The following TTF1 variants were observed in gnomAD, a reference collection of about 807,000 sequenced individuals.
TTF1 encodes transcription termination factor, RNA polymerase I.
A neutral mutation model predicts 80.2 loss-of-function variants in TTF1; 64 were observed. The ratio of observed to expected loss-of-function variants is 0.80; its 90% CI spans 0.65 to 0.98. The LOEUF is 0.98. TTF1 is among the 50% of genes least tolerant of loss of function. The pLI is 0.00. For missense variants in TTF1, 1,023 were observed against 1,086.2 expected (o/e 0.94, Z 0.82); for synonymous variants, 372 against 382.7 (o/e 0.97, Z 0.33).
rs1334807300 is a variant in TTF1 at position 132,375,948 on chromosome 9, A to G, written c.2685T>C (p.Ser895=). 1.9e-6 allele frequency: 3 copies of G among 1,606,352 alleles called. No homozygotes were observed. Among genetic ancestry groups the G allele is most frequent in the Non-Finnish European group, 2.6e-6 (3 of 1,176,396 alleles). Residue 895 remains serine, a synonymous_variant, in exon 11 of 11, where the codon AGT becomes AGC. Coordinates refer to ENST00000334270, the MANE Select transcript of TTF1 (RefSeq NM_007344.4). ...TCCACCGGCCTTGGCCTCCCAAAGT[A>G]CTGGAATTACAGGCGTGAGCCATGC... is the stretch of plus-strand genomic sequence containing the variant. ...APCMAHACNS[S]TLGGQGRWII
At chr9:132,386,742 C>T (rs551505460) in intron 8 of TTF1, 121 bp from the exon 9 acceptor site, 36 of 744,278 alleles carry the variant, frequency 4.8e-5, no homozygotes, top group South Asian at 1.0e-4. Context: ...CCAGCTCCCT[C>T]GTTACACATG....
rs747811545 is a variant in TTF1 at position 132,401,588 on chromosome 9, T to C, written c.1234A>G (p.Lys412Glu). 14 of 1,614,020 alleles carry C rather than the reference T, an allele frequency of 8.7e-6. No individual in the cohort carries two copies. The East Asian group carries it at 1.3e-4, about 15-fold the overall frequency. Residue 412 changes from lysine (K) to glutamate (E), a missense_variant, in exon 2 of 11, where the codon AAG (lysine) becomes GAG (glutamate). Coordinates refer to ENST00000334270, the MANE Select transcript of TTF1 (RefSeq NM_007344.4). Reference protein sequence around the residue: ...VSGDDFSVPSKNSESTLFDSV... With the variant: ...VSGDDFSVPSENSESTLFDSV... ...TCAAAGAGTGTGCTCTCAGAGTTCTTACTGGGCACTGAAAAATCATCACCA... is the reference window on the plus strand; with the variant it reads ...TCAAAGAGTGTGCTCTCAGAGTTCTCACTGGGCACTGAAAAATCATCACCA...
At chr9:132,393,141 G>A (rs1849588483) in intron 5 of TTF1, among the ~76,000 whole-genome samples, 2 of 152,220 alleles carry the variant, frequency 1.3e-5, no homozygotes, top group South Asian at 4.1e-4. Context: ...CATAATGCTT[G>A]ACAGACAAAA....
chr9:132,379,929 G>T (rs1849337939), intron 9 of TTF1, among the ~76,000 whole-genome samples: 1 of 152,226 alleles, frequency 6.6e-6, no homozygotes, highest in African/African-American at 2.4e-5. Context: ...TAATCCAGTT[G>T]TTAAAATGAT....
In TTF1 at chr9:132,389,339, C is replaced by T. The variant is rs549257029; in HGVS notation, c.2223-1111G>A. ...CTGGGATTACAGATGCCCGCCATCC[C>T]GCCGGCTAATTTTTTGTATTTTTAG... On this transcript the variant is annotated intron_variant, in intron 7 of 10. Transcript: ENST00000334270. 3.9e-3 allele frequency among the ~76,000 whole-genome samples: 591 copies of T among 151,806 alleles called. 2 individuals are homozygous for T. The highest frequency in any genetic ancestry group is 6.4e-3 in the Non-Finnish European group (432 of 67,924).
chr9:132,387,042 C>T (rs895859729), intron 8 of TTF1, among the ~76,000 whole-genome samples: 2 of 152,120 alleles, frequency 1.3e-5, no homozygotes, highest in African/African-American at 4.8e-5. Context: ...ACTGCAGCCT[C>T]GACCACCTGG....
At chr9:132,399,889 T>C in intron 3 of TTF1, 146 bp downstream of exon 3, 2 of 886,004 alleles carry the variant, frequency 2.3e-6, no homozygotes, top group South Asian at 1.8e-5. Context: ...ATTTTACAGC[T>C]TGGACAATTC....
At chr9:132,389,919 G>A (rs1046934924) in intron 7 of TTF1, among the ~76,000 whole-genome samples, 5 of 152,202 alleles carry the variant, frequency 3.3e-5, no homozygotes, top group Non-Finnish European at 7.3e-5. Flanking sequence ...AGCTGCTACT[G>A]ATCACTACAC....
Position 132,396,493 on chromosome 9 carries a change from G to T in TTF1, c.1796C>A (p.Pro599His), listed in dbSNP as rs1023843116. The T allele has an allele frequency of 1.2e-6, 2 of 1,613,946 alleles. No homozygotes were observed. Among genetic ancestry groups the T allele is most frequent in the Non-Finnish European group, 1.7e-6 (2 of 1,180,028 alleles). ...RLHIGRNIAR[P>H]WKLIYYRAKK... ...TGCTCGATAGTATATAAGTTTCCAG[G>T]GCCGGGCAATGTTCCTACCTAAAGT... is the stretch of plus-strand genomic sequence containing the variant. Residue 599 changes from proline (P) to histidine (H), a missense_variant, in exon 5 of 11, where the codon CCC becomes CAC. By Grantham distance (77) the Pro-to-His change is moderately conservative. Transcript: ENST00000334270.
chr9:132,402,631 G>T lies in TTF1; in HGVS notation c.191C>A (p.Ser64Tyr), dbSNP rs758790006. Residue 64 changes from serine to tyrosine, a missense_variant, in exon 2 of 11, where the codon TCT becomes TAT. By Grantham distance (144) the Ser-to-Tyr change is moderately radical (BLOSUM62 -2). Transcript: ENST00000334270. Reference sequence around the variant, plus strand: ...GATTCTGGATTTTTTCAAAGGAGAAGAAATGAGATGCTGGAAATCTTTTTT... The same window carrying T: ...GATTCTGGATTTTTTCAAAGGAGAATAAATGAGATGCTGGAAATCTTTTTT... ...KRKKDFQHLI[S>Y]SPLKKSRICD... 2 of 1,613,414 alleles carry T rather than the reference G, an allele frequency of 1.2e-6. No homozygotes were observed. The highest frequency in any genetic ancestry group is 1.1e-5 in the South Asian group (1 of 90,900).
Position 132,390,932 on chromosome 9 carries a change from G to A in TTF1, c.1988-101C>T, listed in dbSNP as rs946420605. On this transcript the variant is annotated intron_variant, in intron 6 of 10. Coordinates refer to ENST00000334270, the MANE Select transcript of TTF1 (RefSeq NM_007344.4). ...AATCGGGTACTTTTCAGAAAATAAT[G>A]TGCATCTCAATTATATAGACATAAA... 5 of 1,052,912 alleles carry A rather than the reference G, an allele frequency of 4.7e-6. No individual in the cohort carries two copies. In the African/African-American group the frequency reaches 6.4e-5, roughly 13 times the overall value. 65.2% of individuals were successfully genotyped at this position (1,052,912 alleles called of 1,614,324 possible). A position where few individuals can be genotyped will look rare whatever the true frequency, so the allele number is the denominator to read the frequency against.
chr9:132,381,071 G>T (rs1486908994), intron 9 of TTF1, among the ~76,000 whole-genome samples: 1 of 152,032 alleles, frequency 6.6e-6, no homozygotes, highest in African/African-American at 2.4e-5. Context: ...GTCACCACGT[G>T]CAGCTTAATA....
At position 132,378,714 on chromosome 9, in the gene TTF1, T is replaced by C. The variant is rs555777990; in HGVS notation, c.2464+345A>G. Among the ~76,000 whole-genome samples, 15 of 150,516 alleles carry C rather than the reference T, an allele frequency of 1.0e-4. 1 individual carries two copies. The highest frequency in any genetic ancestry group is 3.7e-4 in the African/African-American group (15 of 40,272). On this transcript the variant is annotated intron_variant, in intron 10 of 10. Coordinates refer to ENST00000334270, the MANE Select transcript of TTF1 (RefSeq NM_007344.4). ...TGAGTGCATGTGGTGTGAGTGCATG[T>C]GGTGTGTGTGAGTGCTTGCATGTGG... is the stretch of plus-strand genomic sequence containing the variant.
chr9:132,389,501 C>T (rs1218635884), intron 7 of TTF1, among the ~76,000 whole-genome samples: 3 of 152,050 alleles, frequency 2.0e-5, no homozygotes, highest in Non-Finnish European at 2.9e-5. Flanking sequence ...CTTCTTTTAG[C>T]TAAAAATAGA....
intron 10 of TTF1, among the ~76,000 whole-genome samples, chr9:132,378,630 T>TGTGTGAGTGCATGTGGTG (rs1849304503): frequency 1.4e-5 from 1 of 71,308 alleles, no homozygotes; most frequent in Admixed American, 1.3e-4. Context: ...TGCATGTGGT[T>TGTGTGAGTGCATGTGGTG]GGTGTGAGTG....
At chr9:132,387,784 G>A (rs984862117) in intron 8 of TTF1, among the ~76,000 whole-genome samples, 3 of 152,198 alleles carry the variant, frequency 2.0e-5, no homozygotes, top group African/African-American at 7.2e-5. Flanking sequence ...GAGCACAGGA[G>A]GGCTCTGCCT....
rs2131631864 is a variant in TTF1 at position 132,388,301 on chromosome 9, T to A, written c.2223-73A>T. ...TTCATTAAAATATCCTATATTTTTC[T>A]TATCTAAATTGCTCTCATTCAGAAC... On this transcript the variant is annotated intron_variant, in intron 7 of 10. Coordinates refer to ENST00000334270, the MANE Select transcript of TTF1 (RefSeq NM_007344.4). The A allele has an allele frequency of 3.6e-6, 4 of 1,109,950 alleles. No individual in the cohort carries two copies. In the East Asian group the frequency reaches 7.8e-5, roughly 22 times the overall value. 68.8% of individuals were successfully genotyped at this position (1,109,950 alleles called of 1,614,324 possible).
At chr9:132,396,820 G>A (rs1377920684) in intron 4 of TTF1, among the ~76,000 whole-genome samples, 2 of 151,608 alleles carry the variant, frequency 1.3e-5, no homozygotes, top group East Asian at 1.9e-4. Context: ...GGTGTCCACC[G>A]CCACGCCCAG....
At chr9:132,385,685 C>T (rs1238777359) in intron 9 of TTF1, among the ~76,000 whole-genome samples, 1 of 152,212 alleles carries the variant, frequency 6.6e-6, no homozygotes, top group Non-Finnish European at 1.5e-5. Context: ...GACGTCCCTT[C>T]TACTCTATTT....
Sources: allele counts gnomAD v4.1 joint callset (sites outside exome capture counted in the v4.1 genomes callset), GRCh38; gene constraint gnomAD v4.1.1; transcripts MANE v1.5; gene names NCBI Gene and HGNC (gene_info 2026-07-23, HGNC 2026-07-21).